DENND2B: variants seen among roughly 807,000 people sequenced by gnomAD.
The protein encoded by DENND2B is DENN domain-containing protein 2B.
Under a neutral mutation model 116.0 loss-of-function variants are expected in DENND2B, and 32 were observed. The observed-to-expected ratio is 0.28, with a 90% CI of 0.21 to 0.37. The LOEUF (loss-of-function observed/expected upper bound fraction) is 0.37, where lower values mean the gene tolerates loss of function less well. Ranked by LOEUF, DENND2B falls within the 10% of genes least tolerant of loss-of-function variation. The probability of loss-of-function intolerance (pLI) is 1.00; values close to 1 mark genes in which losing one functional copy is unlikely to be tolerated. For missense variants in DENND2B, 1,276 were observed against 1,477.7 expected (o/e 0.86, Z 2.24); for synonymous variants, 588 against 583.9 (o/e 1.01, Z -0.10).
In DENND2B at chr11:8,804,254, G is replaced by A. The variant is rs150743853; in HGVS notation, c.-26+6263C>T. Among the ~76,000 whole-genome samples, 10 of 152,306 alleles carry A rather than the reference G, an allele frequency of 6.6e-5. No individual in the cohort carries two copies. In the East Asian group the frequency reaches 1.9e-3, roughly 29 times the overall value. On this transcript the variant is annotated intron_variant, in intron 1 of 19. Transcript: ENST00000313726. ...CGTGTAGGCCAGGTCTGAAAGGGCAGTCCTCCTTGGCTGCTGGTGACTTTC... is the reference window on the plus strand; with the variant it reads ...CGTGTAGGCCAGGTCTGAAAGGGCAATCCTCCTTGGCTGCTGGTGACTTTC...
chr11:8,733,932 T>C (rs1176710987), intron 2 of DENND2B, among the ~76,000 whole-genome samples: 3 of 152,190 alleles, frequency 2.0e-5, no homozygotes, highest in Non-Finnish European at 2.9e-5. Context: ...GGTCCTGTCT[T>C]TGGTGTCACT....
intron 19 of DENND2B, chr11:8,694,685 G>A (rs779704409): frequency 1.2e-4 from 56 of 449,520 alleles, no homozygotes; most frequent in Non-Finnish European, 1.5e-4. Context: ...ATATTTGGGG[G>A]AAAAAATGGA....
chr11:8,802,986 CTA>C (rs2060488071), intron 1 of DENND2B, among the ~76,000 whole-genome samples: 1 of 152,142 alleles, frequency 6.6e-6, no homozygotes, highest in Non-Finnish European at 1.5e-5. Context: ...TAAGCACCAA[CTA>C]TATATGTTAG....
chr11:8,841,544 G>C (rs969683150), intron 3 of DENND2B, among the ~76,000 whole-genome samples: 2 of 152,190 alleles, frequency 1.3e-5, no homozygotes, highest in Non-Finnish European at 1.5e-5. Context: ...CAGCTACTCA[G>C]GAGGCTGAGG....
chr11:8,889,055 T>A (rs1193724433), intron 1 of DENND2B, among the ~76,000 whole-genome samples: 1 of 152,196 alleles, frequency 6.6e-6, no homozygotes, highest in Non-Finnish European at 1.5e-5. Flanking sequence ...AATTACCATA[T>A]GTTCCAGCAA....
At chr11:8,804,705 C>T (rs996025397) in intron 1 of DENND2B, among the ~76,000 whole-genome samples, 1 of 151,944 alleles carries the variant, frequency 6.6e-6, no homozygotes, top group South Asian at 2.1e-4. Flanking sequence ...CCACTATGCC[C>T]GGCCAGTTTT....
At chr11:8,764,245 G>GA (rs1209894905) in intron 1 of DENND2B, among the ~76,000 whole-genome samples, 1 of 151,668 alleles carries the variant, frequency 6.6e-6, no homozygotes, top group Non-Finnish European at 1.5e-5. Flanking sequence ...GAAAAGAAAA[G>GA]AAAAAAGAAG....
intron 2 of DENND2B, among the ~76,000 whole-genome samples, chr11:8,864,533 G>A (rs768671326): frequency 6.6e-6 from 1 of 152,204 alleles, no homozygotes; most frequent in Non-Finnish European, 1.5e-5. Flanking sequence ...GCCTCCCAAA[G>A]TGCTGGGATT....
chr11:8,864,991 C>T (rs1340779296), intron 2 of DENND2B, among the ~76,000 whole-genome samples: 2 of 152,182 alleles, frequency 1.3e-5, no homozygotes, highest in African/African-American at 4.8e-5. Flanking sequence ...AAAGGAGTTT[C>T]CAAAACATTA....
At chr11:8,884,850 T>A (rs2063943735) in intron 1 of DENND2B, among the ~76,000 whole-genome samples, 1 of 152,152 alleles carries the variant, frequency 6.6e-6, no homozygotes, top group African/African-American at 2.4e-5. Context: ...AGCCCATAAG[T>A]CTTCAATATC....
At chr11:8,883,220 C>T (rs767683900) in intron 1 of DENND2B, among the ~76,000 whole-genome samples, 6 of 151,914 alleles carry the variant, frequency 3.9e-5, no homozygotes, top group Non-Finnish European at 7.4e-5. Context: ...AAAGAAAAGG[C>T]AAAAAGAGAT....
chr11:8,907,360 G>A (rs914530890), intron 1 of DENND2B, among the ~76,000 whole-genome samples: 1 of 152,128 alleles, frequency 6.6e-6, no homozygotes, highest in Non-Finnish European at 1.5e-5. Context: ...TGATCCACAA[G>A]GGGCCTGATG....
upstream of DENND2B, among the ~76,000 whole-genome samples, chr11:8,875,080 T>G (rs562119788): frequency 1.3e-5 from 2 of 152,204 alleles, no homozygotes; most frequent in East Asian, 3.9e-4. Flanking sequence ...TCCCAGCACT[T>G]TGGGAGGCCG....
At chr11:8,838,713 A>G (rs528635448) in intron 4 of DENND2B, among the ~76,000 whole-genome samples, 22 of 152,316 alleles carry the variant, frequency 1.4e-4, no homozygotes, top group African/African-American at 5.1e-4. Flanking sequence ...CCGAGTTTTA[A>G]AAGTGGTTGA....
chr11:8,861,578 C>T (rs2134678565), intron 2 of DENND2B, among the ~76,000 whole-genome samples: 1 of 152,270 alleles, frequency 6.6e-6, no homozygotes, highest in African/African-American at 2.4e-5. Context: ...TTATACACTG[C>T]TGGTGGGAAT....
At chr11:8,815,719 C>T (rs143398989) in intron 4 of DENND2B, among the ~76,000 whole-genome samples, 2 of 152,224 alleles carry the variant, frequency 1.3e-5, no homozygotes, top group Non-Finnish European at 2.9e-5. Flanking sequence ...TTTACTATAG[C>T]GTTGATATCA....
intron 1 of DENND2B, among the ~76,000 whole-genome samples, chr11:8,763,111 C>T (rs1397305726): frequency 6.6e-6 from 1 of 152,096 alleles, no homozygotes; most frequent in Non-Finnish European, 1.5e-5. Flanking sequence ...AGAGGATACC[C>T]AAACAGTGAA....
chr11:8,834,308 T>C (rs1055499225), intron 4 of DENND2B, among the ~76,000 whole-genome samples: 8 of 152,222 alleles, frequency 5.3e-5, no homozygotes, highest in African/African-American at 1.9e-4. Flanking sequence ...AGCATATGCG[T>C]CCTACAGGAA....
At chr11:8,876,880 A>G (rs2063847424) in intron 2 of DENND2B, among the ~76,000 whole-genome samples, 1 of 30,936 alleles carries the variant, frequency 3.2e-5, no homozygotes, top group South Asian at 2.2e-3. Context: ...TTCCGTCTCA[A>G]AAAAAAAAAA....
Sources: gnomAD v4.1 joint callset for allele counts (sites outside exome capture counted in the v4.1 genomes callset) on GRCh38, gnomAD v4.1.1 for gene constraint, MANE v1.5 for transcripts, NCBI Gene and HGNC (gene_info 2026-07-23, HGNC 2026-07-21) for gene names.